GLI2: variants seen among roughly 807,000 people sequenced by gnomAD.
GLI2 encodes the protein GLI family zinc finger 2.
In GLI2, 22 loss-of-function variants were observed where a neutral mutation model predicts 78.9. That is an observed-to-expected ratio of 0.28 (90% CI 0.20 to 0.40). GLI2 has a LOEUF of 0.40. Ranked by LOEUF, GLI2 falls within the 10% of genes least tolerant of loss-of-function variation. GLI2 has a pLI of 1.00. For missense variants in GLI2, 2,097 were observed against 2,213.2 expected (o/e 0.95, Z 1.05); for synonymous variants, 974 against 963.7 (o/e 1.01, Z -0.20).
At chr2:120,783,122 G>A (rs1437116554) in intron 1 of GLI2, among the ~76,000 whole-genome samples, 4 of 152,156 alleles carry the variant, frequency 2.6e-5, no homozygotes, top group Non-Finnish European at 1.5e-5. Context: ...CAAATTTGGG[G>A]CACACAGCTT....
At chr2:120,784,901 C>G (rs772418549) in intron 1 of GLI2, among the ~76,000 whole-genome samples, 2 of 152,192 alleles carry the variant, frequency 1.3e-5, no homozygotes, top group African/African-American at 4.8e-5. Context: ...CTCCCCACCC[C>G]ACACCTGGAC....
chr2:120,893,256 G>C (rs1443055140), intron 2 of GLI2, among the ~76,000 whole-genome samples: 1 of 152,182 alleles, frequency 6.6e-6, no homozygotes, highest in Non-Finnish European at 1.5e-5. Flanking sequence ...GAGAAGGGTG[G>C]GCTCAAGGTG....
intron 1 of GLI2, among the ~76,000 whole-genome samples, chr2:120,749,973 C>G (rs1385671081): frequency 6.6e-6 from 1 of 152,336 alleles, no homozygotes; most frequent in Middle Eastern, 3.4e-3. Flanking sequence ...TGGAGTTGCT[C>G]TAAGTCCCAA....
chr2:120,965,946 A>G (rs1476774343), intron 5 of GLI2, among the ~76,000 whole-genome samples: 1 of 152,234 alleles, frequency 6.6e-6, no homozygotes, highest in African/African-American at 2.4e-5. Context: ...AGAAGCAACT[A>G]TGGACCGTCT....
chr2:120,919,423 C>T (rs112960855), intron 2 of GLI2, among the ~76,000 whole-genome samples: 1 of 152,238 alleles, frequency 6.6e-6, no homozygotes, highest in Non-Finnish European at 1.5e-5. Flanking sequence ...AGAGCAGGCA[C>T]CCCAGGAGTG....
chr2:120,769,290 A>G (rs1388564083), intron 1 of GLI2, among the ~76,000 whole-genome samples: 1 of 152,212 alleles, frequency 6.6e-6, no homozygotes, highest in Non-Finnish European at 1.5e-5. Flanking sequence ...ACAGGCCCCT[A>G]ACTTTTTGGT....
chr2:120,863,340 A>C (rs1009461896), intron 2 of GLI2, among the ~76,000 whole-genome samples: 1 of 152,208 alleles, frequency 6.6e-6, no homozygotes, highest in Non-Finnish European at 1.5e-5. Context: ...TGCCTGACCC[A>C]GTCAGTGCTT....
rs568238405 is a variant in GLI2, at chr2:120,958,390, C to A, written c.643+2960C>A. On this transcript the variant is annotated intron_variant, in intron 5 of 13. Transcript: ENST00000361492. ...TGTCCACCTGCTGCCTAAGCCCAGG[C>A]CCCAGGTTCTCCCAGACCTTTTCCT... Among the ~76,000 whole-genome samples the A allele has an allele frequency of 1.5e-3, 223 of 152,254 alleles. 1 individual carries two copies. The highest frequency in any genetic ancestry group is 1.3e-4 in the Non-Finnish European group (9 of 68,008).
chr2:120,763,076 T>C (rs1270502700), intron 1 of GLI2, among the ~76,000 whole-genome samples: 1 of 152,224 alleles, frequency 6.6e-6, no homozygotes, highest in Non-Finnish European at 1.5e-5. Flanking sequence ...GGGGCAGCCC[T>C]GCTCCCTCTC....
At chr2:120,986,985 G>A (rs904439022) in intron 13 of GLI2, among the ~76,000 whole-genome samples, 4 of 152,222 alleles carry the variant, frequency 2.6e-5, no homozygotes, top group Non-Finnish European at 5.9e-5. Flanking sequence ...CAGTCCCAAA[G>A]GAGCGTATGG....
At position 120,955,381 on chromosome 2, in the gene GLI2, G is replaced by C. The variant is rs775539906; in HGVS notation, c.594G>C (p.Gly198=). ...APYGDLLMQS[G]GAASAPHLHD... The stretch of plus-strand genomic sequence containing the variant: ...ACGGGGACCTGCTGATGCAGAGCGG[G>C]GGCGCTGCCAGCGCACCCCATCTCC... The change falls in exon 5 of 14, where the codon GGG becomes GGC. Residue 198 remains glycine (G), a synonymous_variant. Transcript: ENST00000361492. 6.2e-7 allele frequency: 1 copy of C among 1,612,520 alleles called. No homozygotes were observed. The highest frequency in any genetic ancestry group is 1.7e-5 in the Admixed American group (1 of 59,950).
chr2:120,840,794 C>T (rs559421093), intron 2 of GLI2, among the ~76,000 whole-genome samples: 28 of 152,298 alleles, frequency 1.8e-4, no homozygotes, highest in Non-Finnish European at 3.5e-4. Context: ...ATCCCATGGC[C>T]TTTGCACGTG....
intron 2 of GLI2, among the ~76,000 whole-genome samples, chr2:120,860,722 A>G (rs1687863507): frequency 1.3e-5 from 2 of 152,184 alleles, no homozygotes; most frequent in African/African-American, 2.4e-5. Flanking sequence ...AGGGTTCCTT[A>G]TGGATCCTGG....
At chr2:120,743,861 G>A (rs1476580931) in intron 1 of GLI2, among the ~76,000 whole-genome samples, 1 of 152,234 alleles carries the variant, frequency 6.6e-6, no homozygotes, top group Admixed American at 6.5e-5. Flanking sequence ...AAGACAGCGG[G>A]TAGGGTGGGA....
At chr2:120,761,308 A>C (rs906520347) in intron 1 of GLI2, among the ~76,000 whole-genome samples, 2 of 152,150 alleles carry the variant, frequency 1.3e-5, no homozygotes, top group African/African-American at 4.8e-5. Flanking sequence ...CCGGGAAAGC[A>C]GCCATGGGCT....
intron 1 of GLI2, among the ~76,000 whole-genome samples, chr2:120,790,337 G>A (rs1558797109): frequency 6.6e-6 from 1 of 152,194 alleles, no homozygotes; most frequent in Non-Finnish European, 1.5e-5. Flanking sequence ...TCTGTGGGAA[G>A]CCAAGGTCAA....
Position 120,797,261 on chromosome 2 carries a change from G to A in GLI2, c.-30-30G>A, listed in dbSNP as rs966448679. On this transcript the variant is annotated intron_variant, in intron 1 of 13. Transcript: ENST00000361492. Reference sequence around the variant, plus strand: ...TTTCCCGGCTGGGTTTGGGCTCAGTGTTGGTGAGTGTCTTTGTCTTCTCTT... The same window carrying A: ...TTTCCCGGCTGGGTTTGGGCTCAGTATTGGTGAGTGTCTTTGTCTTCTCTT... 9.2e-5 allele frequency: 146 copies of A among 1,584,968 alleles called. 3 individuals are homozygous for A. In the South Asian group the frequency reaches 1.0e-3, roughly 11 times the overall value.
intron 2 of GLI2, among the ~76,000 whole-genome samples, chr2:120,879,322 G>A (rs558173662): frequency 6.6e-6 from 1 of 152,352 alleles, no homozygotes; most frequent in Admixed American, 6.5e-5. Flanking sequence ...TGTTGGGAAG[G>A]GCTGGAGAGT....
chr2:120,985,727 T>C (rs1323896674), intron 12 of GLI2, among the ~76,000 whole-genome samples: 1 of 152,202 alleles, frequency 6.6e-6, no homozygotes, highest in Non-Finnish European at 1.5e-5. Context: ...CATTCTGCAC[T>C]GTGTACATGT....
Sources: allele counts gnomAD v4.1 joint callset (sites outside exome capture counted in the v4.1 genomes callset), GRCh38; gene constraint gnomAD v4.1.1; transcripts MANE v1.5; gene names NCBI Gene and HGNC (gene_info 2026-07-23, HGNC 2026-07-21).